The following ANO6 variants were observed in gnomAD, a reference collection of about 807,000 sequenced individuals.
ANO6 encodes the protein anoctamin 6, also known as anoctamin-6.
In ANO6, 106 loss-of-function variants were observed where a neutral mutation model predicts 117.5. The ratio of observed to expected loss-of-function variants is 0.90; its 90% CI spans 0.77 to 1.06. The LOEUF (loss-of-function observed/expected upper bound fraction) is 1.06. ANO6 is among the 50% of genes least tolerant of loss of function. The pLI is 0.00. For missense variants in ANO6, 955 were observed against 1,121.1 expected (o/e 0.85, Z 2.12); for synonymous variants, 367 against 385.1 (o/e 0.95, Z 0.55).
intron 1 of ANO6, among the ~76,000 whole-genome samples, chr12:45,250,180 C>T (rs112278859): frequency 3.3e-5 from 5 of 152,060 alleles, no homozygotes; most frequent in East Asian, 3.8e-4. Context: ...AAAGTAACAG[C>T]GGCGTTTACC....
At chr12:45,299,225 A>C (rs1329965255) in intron 1 of ANO6, among the ~76,000 whole-genome samples, 1 of 152,178 alleles carries the variant, frequency 6.6e-6, no homozygotes, top group Non-Finnish European at 1.5e-5. Flanking sequence ...TAGGAGTGTA[A>C]TTATCTTGGA....
intron 16 of ANO6, among the ~76,000 whole-genome samples, chr12:45,411,843 A>G (rs773822812): frequency 6.6e-6 from 1 of 152,124 alleles, no homozygotes; most frequent in African/African-American, 2.4e-5. Context: ...GTGGTGGTAT[A>G]CGCTCTGTGC....
chr12:45,216,471 G>C (rs1016849273), intron 1 of ANO6, 80 bp downstream of exon 1: 1 of 1,499,252 alleles, frequency 6.7e-7, no homozygotes. Flanking sequence ...CGGGGGCGCT[G>C]TGCTCTCCGC....
intron 1 of ANO6, among the ~76,000 whole-genome samples, chr12:45,220,989 A>G (rs1425784364): frequency 6.6e-6 from 1 of 151,870 alleles, no homozygotes; most frequent in East Asian, 1.9e-4. Context: ...TGTTGCAAGA[A>G]CCTCAATTTG....
At chr12:45,299,965 T>C (rs1312388503) in intron 1 of ANO6, among the ~76,000 whole-genome samples, 2 of 152,154 alleles carry the variant, frequency 1.3e-5, no homozygotes, top group African/African-American at 4.8e-5. Flanking sequence ...TTGGCTGATA[T>C]TTTGGTTTTG....
At chr12:45,255,294 C>T (rs1178902337) in intron 1 of ANO6, among the ~76,000 whole-genome samples, 1 of 152,072 alleles carries the variant, frequency 6.6e-6, no homozygotes, top group African/African-American at 2.4e-5. Flanking sequence ...TCAATAAAAG[C>T]AGGAATGTCA....
chr12:45,325,113 C>T (rs1940416281), intron 2 of ANO6, among the ~76,000 whole-genome samples: 1 of 152,078 alleles, frequency 6.6e-6, no homozygotes, highest in African/African-American at 2.4e-5. Context: ...ATTTGTTGTT[C>T]CATAAAACTA....
In ANO6 at chr12:45,363,796, G is replaced by A. The variant is rs549235734; in HGVS notation, c.999-3892G>A. Among the ~76,000 whole-genome samples, 10 of 152,270 alleles carry A rather than the reference G, an allele frequency of 6.6e-5. No homozygotes were observed. In the South Asian group the frequency reaches 1.7e-3, roughly 25 times the overall value. On this transcript the variant is annotated intron_variant, in intron 8 of 19. Coordinates refer to ENST00000320560, the MANE Select transcript of ANO6 (RefSeq NM_001025356.3). ...ATCTGATGGTTTTATAAGGGGAAAC[G>A]CGTTTCACTTGACTCTCATTCTTTC... is the stretch of plus-strand genomic sequence containing the variant.
At chr12:45,372,204 G>A (rs1187911590) in intron 9 of ANO6, among the ~76,000 whole-genome samples, 42 of 151,298 alleles carry the variant, frequency 2.8e-4, no homozygotes, top group Non-Finnish European at 2.5e-4. Flanking sequence ...AGAAATATGG[G>A]ACTATGTGAA....
intron 19 of ANO6, among the ~76,000 whole-genome samples, chr12:45,426,698 G>A (rs1232588570): frequency 2.0e-5 from 3 of 152,170 alleles, no homozygotes; most frequent in Middle Eastern, 3.4e-3. Flanking sequence ...AGGAAAGTAC[G>A]CTTTCCTCCT....
chr12:45,329,033 T>G (rs1382544377), intron 2 of ANO6, among the ~76,000 whole-genome samples: 2 of 152,148 alleles, frequency 1.3e-5, no homozygotes, highest in African/African-American at 4.8e-5. Flanking sequence ...AGGGGAGGAA[T>G]AGGCTATTTG....
chr12:45,372,754 A>G (rs1348386269), intron 9 of ANO6, among the ~76,000 whole-genome samples: 1 of 152,232 alleles, frequency 6.6e-6, no homozygotes, highest in Non-Finnish European at 1.5e-5. Flanking sequence ...GCGCTGCAAA[A>G]TCATGCCAAA....
chr12:45,301,911 G>A (rs978666705), intron 1 of ANO6, 103 bp from the exon 2 acceptor site: 9 of 930,560 alleles, frequency 9.7e-6, no homozygotes, highest in Admixed American at 5.3e-5. Context: ...CTGTCAATGT[G>A]CTACCAATGT....
chr12:45,222,602 CTCAGAA>C (rs1947420848), intron 1 of ANO6, among the ~76,000 whole-genome samples: 1 of 152,136 alleles, frequency 6.6e-6, no homozygotes, highest in Non-Finnish European at 1.5e-5. Context: ...TGCTTTAGGC[CTCAGAA>C]GCAGAAGCAG....
chr12:45,324,641 T>G (rs1308765075), intron 2 of ANO6, among the ~76,000 whole-genome samples: 2 of 152,170 alleles, frequency 1.3e-5, no homozygotes, highest in Non-Finnish European at 2.9e-5. Flanking sequence ...CTGTAAAAGA[T>G]GAGTTCACCA....
At chr12:45,352,254 CATCT>C (rs756050280) in intron 7 of ANO6, among the ~76,000 whole-genome samples, 16 of 152,208 alleles carry the variant, frequency 1.1e-4, no homozygotes, top group Non-Finnish European at 1.9e-4. Flanking sequence ...AGCCTGCATT[CATCT>C]GTCACCCAGC....
chr12:45,363,679 A>T (rs1941614194), intron 8 of ANO6, among the ~76,000 whole-genome samples: 1 of 152,152 alleles, frequency 6.6e-6, no homozygotes, highest in Admixed American at 6.5e-5. Flanking sequence ...CATAATTCCC[A>T]CATGTTGTAG....
intron 1 of ANO6, among the ~76,000 whole-genome samples, chr12:45,238,357 G>T (rs1368765128): frequency 1.6e-4 from 25 of 151,792 alleles, no homozygotes; most frequent in Non-Finnish European, 8.8e-5. Context: ...CACCATATTG[G>T]CCAGGCTGGT....
intron 1 of ANO6, among the ~76,000 whole-genome samples, chr12:45,262,831 T>C (rs1304931815): frequency 2.6e-5 from 4 of 152,324 alleles, no homozygotes; most frequent in African/African-American, 9.6e-5. Context: ...AAAGGTGTTT[T>C]CCAGAAGACA....
Sources: allele counts gnomAD v4.1 joint callset (sites outside exome capture counted in the v4.1 genomes callset), GRCh38; gene constraint gnomAD v4.1.1; transcripts MANE v1.5; gene names NCBI Gene and HGNC (gene_info 2026-07-23, HGNC 2026-07-21).